CGB3: variants seen among roughly 807,000 people sequenced by gnomAD.
CGB3 encodes choriogonadotropin subunit beta 3.
Under a neutral mutation model 5.1 loss-of-function variants are expected in CGB3, and 3 were observed. That is an observed-to-expected ratio of 0.59 (90% CI 0.27 to 1.52). The LOEUF (loss-of-function observed/expected upper bound fraction) is 1.52. Among genes scored for constraint, CGB3 ranks in the 40% most tolerant of loss-of-function variants. CGB3 has a pLI of 0.13. For synonymous variants in CGB3, 21 were observed against 80.9 expected, an observed-to-expected ratio of 0.26 and a Z score of 3.97; for missense variants, 44 against 183.7, an observed-to-expected ratio of 0.24 and a Z score of 4.39.
Position 49,024,022 on chromosome 19 carries a change from G to A in CGB3, c.-51C>T. On this transcript the variant is annotated 5_prime_UTR_variant, in exon 1 of 3. Coordinates refer to ENST00000357383, the MANE Select transcript of CGB3 (RefSeq NM_000737.5). The stretch of plus-strand genomic sequence containing the variant: ...ACCTGGCTTTATACCTCGGGGTTGT[G>A]GGGGCGGCAAGGCCACCAGGAGGTG... 6.2e-7 allele frequency: 1 copy of A among 1,610,406 alleles called. No individual in the cohort carries two copies.
chr19:49,024,135 C>G lies in CGB3; in HGVS notation c.-164G>C. 1 of 1,289,804 alleles carries G rather than the reference C, an allele frequency of 7.8e-7. No individual in the cohort carries two copies. Among genetic ancestry groups the G allele is most frequent in the East Asian group, 2.4e-5 (1 of 41,282 alleles). The allele number at this position is 1,289,804 out of a possible 1,614,324, so 79.9% of individuals were successfully genotyped here. A position where few individuals can be genotyped will look rare whatever the true frequency, so the allele number is the denominator to read the frequency against. ...GGGGCGCAGGAGTGGCTCAGCGGAG[C>G]GCCCCAGCCCTCTCCTCTCACTGGT... On this transcript the variant is annotated 5_prime_UTR_variant, in exon 1 of 3. Coordinates refer to ENST00000357383, the MANE Select transcript of CGB3 (RefSeq NM_000737.5).
chr19:49,024,283 T>G lies in CGB3; in HGVS notation c.-312A>C. On this transcript the variant is annotated 5_prime_UTR_variant, in exon 1 of 3. Transcript: ENST00000357383. ...GGGTGTAGGAAGGCCTGCCTCTGCC[T>G]ATGGTGGGGTCCTGGGAGCCAGGAG... 1.9e-6 allele frequency: 2 copies of G among 1,074,156 alleles called. No homozygotes were observed. Among genetic ancestry groups the G allele is most frequent in the South Asian group, 3.9e-5 (2 of 51,158 alleles). 66.5% of individuals were successfully genotyped at this position (1,074,156 alleles called of 1,614,324 possible).
chr19:49,023,943 C>T lies in CGB3; in HGVS notation c.15+14G>A, dbSNP rs748740226. 2 of 1,612,878 alleles carry T rather than the reference C, an allele frequency of 1.2e-6. No individual in the cohort carries two copies. The highest frequency in any genetic ancestry group is 1.8e-4 in the Middle Eastern group (1 of 5,432). Reference sequence around the variant, plus strand: ...GAAGGAGGTGGAAGGTGCCCAGGGGCCCTGCAGTCTTACCTGGAACATCTC... The same window carrying T: ...GAAGGAGGTGGAAGGTGCCCAGGGGTCCTGCAGTCTTACCTGGAACATCTC... On this transcript the variant is annotated intron_variant, in intron 1 of 2. Coordinates refer to ENST00000357383, the MANE Select transcript of CGB3 (RefSeq NM_000737.5).
chr19:49,024,044 G>T lies in CGB3; in HGVS notation c.-73C>A. 2 of 1,594,660 alleles carry T rather than the reference G, an allele frequency of 1.3e-6. No individual in the cohort carries two copies. The highest frequency in any genetic ancestry group is 2.2e-5 in the East Asian group (1 of 44,788). ...TGTGGGGGCGGCAAGGCCACCAGGA[G>T]GTGATAGGATGCTGGGGTGAGCTCG... On this transcript the variant is annotated 5_prime_UTR_variant, in exon 1 of 3. Transcript: ENST00000357383.
At chr19:49,023,807 C>T in intron 1 of CGB3, 150 bp downstream of exon 1, 1 of 1,388,948 alleles carries the variant, frequency 7.2e-7, no homozygotes, top group African/African-American at 1.4e-5. Flanking sequence ...CAGATCCGCA[C>T]CTTCAGGAAA....
chr19:49,023,167 G>T lies in CGB3; in HGVS notation c.217C>A (p.Pro73Thr), dbSNP rs1371670983. ...TCGCGGTAGTTGCACACCACCTGAGGCAGGGCCGGCAGGACCCCCTGCAGC... is the reference window on the plus strand; with the variant it reads ...TCGCGGTAGTTGCACACCACCTGAGTCAGGGCCGGCAGGACCCCCTGCAGC... The part of the protein sequence containing the change: ...RVLQGVLPAL[P>T]QVVCNYRDVR... Residue 73 changes from proline (P) to threonine (T), a missense_variant, in exon 3 of 3, where the codon CCT becomes ACT. By Grantham distance (38) the Pro-to-Thr change is conservative. Transcript: ENST00000357383. 1 of 980,072 alleles carries T rather than the reference G, an allele frequency of 1.0e-6. No individual in the cohort carries two copies. The highest frequency in any genetic ancestry group is 2.7e-5 in the East Asian group (1 of 37,734). The allele number at this position is 980,072 out of a possible 1,614,324, so 60.7% of individuals were successfully genotyped here.
At position 49,024,200 on chromosome 19, in the gene CGB3, C is replaced by G; in HGVS notation, c.-229G>C. On this transcript the variant is annotated 5_prime_UTR_variant, in exon 1 of 3. Transcript: ENST00000357383. ...GAGGCGGAGACCACGGTGAAGTGAC[C>G]TCAGAGACTCAGTCGTCGAGTGCTA... 2 of 1,443,090 alleles carry G rather than the reference C, an allele frequency of 1.4e-6. No homozygotes were observed. The highest frequency in any genetic ancestry group is 2.5e-5 in the East Asian group (1 of 40,068). The allele number at this position is 1,443,090 out of a possible 1,614,324, so 89.4% of individuals were successfully genotyped here.
intron 1 of CGB3, 116 bp downstream of exon 1, chr19:49,023,841 G>A: frequency 1.9e-6 from 3 of 1,598,562 alleles, no homozygotes; most frequent in Non-Finnish European, 1.7e-6. Context: ...GCTTACTGGG[G>A]GTCACGCTCC....
At chr19:49,023,626 C>A in intron 1 of CGB3, 23 bp from the exon 2 acceptor site, 2 of 1,097,630 alleles carry the variant, frequency 1.8e-6, no homozygotes, top group East Asian at 2.6e-5. Flanking sequence ...CACTGCTTCA[C>A]CCGGGTCTGA....
At position 49,023,948 on chromosome 19, in the gene CGB3, C is replaced by A. The variant is rs773515889; in HGVS notation, c.15+9G>T. On this transcript the variant is annotated intron_variant, in intron 1 of 2. Coordinates refer to ENST00000357383, the MANE Select transcript of CGB3 (RefSeq NM_000737.5). The stretch of plus-strand genomic sequence containing the variant: ...AGGTGGAAGGTGCCCAGGGGCCCTG[C>A]AGTCTTACCTGGAACATCTCCATCC... The A allele has an allele frequency of 6.2e-7, 1 of 1,613,026 alleles. No homozygotes were observed. The highest frequency in any genetic ancestry group is 8.5e-7 in the Non-Finnish European group (1 of 1,179,776).
At chr19:49,023,290 A>AG in intron 2 of CGB3, 90 bp from the exon 3 acceptor site, 1 of 569,034 alleles carries the variant, frequency 1.8e-6, no homozygotes, top group East Asian at 2.9e-5. Context: ...TCTCAGACTC[A>AG]GGGGTCCAGG....
rs1014600332 is a variant in CGB3 at position 49,024,281 on chromosome 19, C to G, written c.-310G>C. 21 of 1,120,194 alleles carry G rather than the reference C, an allele frequency of 1.9e-5. No individual in the cohort carries two copies. The highest frequency in any genetic ancestry group is 1.0e-4 in the African/African-American group (6 of 59,196). 69.4% of individuals were successfully genotyped at this position (1,120,194 alleles called of 1,614,324 possible). ...TAGGGTGTAGGAAGGCCTGCCTCTGCCTATGGTGGGGTCCTGGGAGCCAGG... is the reference window on the plus strand; with the variant it reads ...TAGGGTGTAGGAAGGCCTGCCTCTGGCTATGGTGGGGTCCTGGGAGCCAGG... On this transcript the variant is annotated 5_prime_UTR_variant, in exon 1 of 3. Transcript: ENST00000357383.
At position 49,023,032 on chromosome 19, in the gene CGB3, T is replaced by A. The variant is rs1192671158; in HGVS notation, c.352A>T (p.Thr118Ser). The A allele has an allele frequency of 2.0e-6, 3 of 1,516,948 alleles. No individual in the cohort carries two copies. Among genetic ancestry groups the A allele is most frequent in the Non-Finnish European group, 2.7e-6 (3 of 1,124,828 alleles). 94.0% of individuals were successfully genotyped at this position (1,516,948 alleles called of 1,614,324 possible). The change falls in exon 3 of 3, where the codon ACT (threonine) becomes TCT (serine). Residue 118 changes from threonine to serine, a missense_variant. By Grantham distance (58) the Thr-to-Ser change is moderately conservative. Transcript: ENST00000357383. ...CQCALCRRST[T>S]DCGGPKDHPL... ...TGGTCCTTGGGACCCCCGCAGTCAG[T>A]GGTGCTGCGGCGGCAGAGTGCACAT...
rs1453496464 is a variant in CGB3 at position 49,024,320 on chromosome 19, C to T, written c.-349G>A. ...CTGGGAGCCAGGAGGAGGCCGTGACCCGAGAAAGGTGCTGGACTGAAGCCT... is the reference window on the plus strand; with the variant it reads ...CTGGGAGCCAGGAGGAGGCCGTGACTCGAGAAAGGTGCTGGACTGAAGCCT... On this transcript the variant is annotated 5_prime_UTR_variant, in exon 1 of 3. Transcript: ENST00000357383. 3 of 746,480 alleles carry T rather than the reference C, an allele frequency of 4.0e-6. No homozygotes were observed. In the African/African-American group the frequency reaches 6.1e-5, roughly 15 times the overall value. 46.2% of individuals were successfully genotyped at this position (746,480 alleles called of 1,614,324 possible).
Position 49,024,076 on chromosome 19 carries a change from A to G in CGB3, c.-105T>C. The G allele has an allele frequency of 6.3e-7, 1 of 1,599,460 alleles. No individual in the cohort carries two copies. Among genetic ancestry groups the G allele is most frequent in the Non-Finnish European group, 8.6e-7 (1 of 1,168,338 alleles). On this transcript the variant is annotated 5_prime_UTR_variant, in exon 1 of 3. Transcript: ENST00000357383. Reference sequence around the variant, plus strand: ...GGATGCTGGGGTGAGCTCGACACTAACCCCTCGGGGGGCAAGAGGTAGACA... The same window carrying G: ...GGATGCTGGGGTGAGCTCGACACTAGCCCCTCGGGGGGCAAGAGGTAGACA...
Position 49,023,963 on chromosome 19 carries a change from C to T in CGB3, c.9G>A (p.Met3Ile). The T allele has an allele frequency of 1.2e-6, 2 of 1,613,220 alleles. No homozygotes were observed. Among genetic ancestry groups the T allele is most frequent in the Non-Finnish European group, 8.5e-7 (1 of 1,179,770 alleles). ...AGGGGCCCTGCAGTCTTACCTGGAA[C>T]ATCTCCATCCTTGGTGCGTCCCCTG... Reference protein sequence around the residue: MEMFQGLLLLLLL... With the variant: MEIFQGLLLLLLL... Residue 3 changes from methionine to isoleucine, a missense_variant, in exon 1 of 3, where the codon ATG becomes ATA. Met to Ile is a conservative substitution (Grantham distance 10, BLOSUM62 1). Coordinates refer to ENST00000357383, the MANE Select transcript of CGB3 (RefSeq NM_000737.5).
Position 49,024,131 on chromosome 19 carries a change from G to A in CGB3, c.-160C>T, listed in dbSNP as rs568123827. On this transcript the variant is annotated 5_prime_UTR_variant, in exon 1 of 3. Transcript: ENST00000357383. The stretch of plus-strand genomic sequence containing the variant: ...CAGGGGGGCGCAGGAGTGGCTCAGC[G>A]GAGCGCCCCAGCCCTCTCCTCTCAC... 48 of 1,376,084 alleles carry A rather than the reference G, an allele frequency of 3.5e-5. No homozygotes were observed. The highest frequency in any genetic ancestry group is 1.5e-4 in the African/African-American group (10 of 68,640). The allele number at this position is 1,376,084 out of a possible 1,614,324, so 85.2% of individuals were successfully genotyped here. A position where few individuals can be genotyped will look rare whatever the true frequency, so the allele number is the denominator to read the frequency against.
rs1379518370 is a variant in CGB3, at chr19:49,023,531, G to A, written c.88C>T (p.Arg30Cys). 8.6e-6 allele frequency: 5 copies of A among 581,114 alleles called. No homozygotes were observed. The highest frequency in any genetic ancestry group is 4.5e-4 in the Middle Eastern group (1 of 2,200). The allele number at this position is 581,114 out of a possible 1,614,324, so 36.0% of individuals were successfully genotyped here. ...ASKEPLRPRC[R>C]PINATLAVEK... is the part of the protein sequence containing the mutation. ...ACAGCCAGGGTGGCATTGATGGGGC[G>A]GCACCGTGGCCGAAGCGGCTCCTTG... The change falls in exon 2 of 3, where the codon CGC (arginine) becomes TGC (cysteine). Residue 30 changes from arginine to cysteine, a missense_variant. Arg to Cys is a radical substitution (Grantham distance 180, BLOSUM62 -3). This residue lies in a region of CGB3 where 12 missense variants were observed against 25.0 expected (regional missense o/e 0.48). Coordinates refer to ENST00000357383, the MANE Select transcript of CGB3 (RefSeq NM_000737.5).
intron 2 of CGB3, 87 bp downstream of exon 2, chr19:49,023,349 A>G: frequency 2.0e-6 from 1 of 510,808 alleles, no homozygotes; most frequent in South Asian, 2.1e-5. Context: ...GCCCCTGACC[A>G]GAGAGGCAGA....
Sources: gnomAD v4.1 joint callset for allele counts on GRCh38, gnomAD v4.1.1 for gene constraint, gnomAD v4.1.1 regional missense constraint, MANE v1.5 for transcripts, NCBI Gene and HGNC (gene_info 2026-07-23, HGNC 2026-07-21) for gene names.